The following TRIM24 variants were observed in gnomAD, a reference collection of about 807,000 sequenced individuals.
TRIM24 encodes tripartite motif containing 24, also known as transcription intermediary factor 1-alpha.
A neutral mutation model predicts 123.9 loss-of-function variants in TRIM24; 29 were observed. The observed-to-expected ratio is 0.23, with a 90% CI of 0.17 to 0.32. The LOEUF (loss-of-function observed/expected upper bound fraction) is 0.32. TRIM24 is among the 10% of genes least tolerant of loss of function. The pLI is 1.00. For synonymous variants in TRIM24, 456 were observed against 461.1 expected (o/e 0.99, Z 0.14); for missense variants, 932 against 1,295.3 (o/e 0.72, Z 4.31).
intron 1 of TRIM24, among the ~76,000 whole-genome samples, chr7:138,464,398 T>C (rs1459381461): frequency 4.6e-5 from 7 of 151,968 alleles, no homozygotes; most frequent in Non-Finnish European, 8.8e-5. Flanking sequence ...TCAAGTAATA[T>C]CTATTACACA....
rs1794935485 is a variant in TRIM24 at position 138,460,549 on chromosome 7, A to ATGGAGGTGGCGG, written c.7_18dup (p.Val3_Glu6dup). On this transcript the variant is annotated inframe_insertion, in exon 1 of 19. Transcript: ENST00000343526. ...CCCCGGCGGCGGCAAGGGCAGGACAATGGAGGTGGCGGTGGAGAAGGCGGT... is the reference window on the plus strand; with the variant it reads ...CCCCGGCGGCGGCAAGGGCAGGACAATGGAGGTGGCGGTGGAGGTGGCGGTGGAGAAGGCGGT... 3 of 1,306,590 alleles carry ATGGAGGTGGCGG rather than the reference A, an allele frequency of 2.3e-6. No individual in the cohort carries two copies. The highest frequency in any genetic ancestry group is 1.9e-6 in the Non-Finnish European group (2 of 1,037,812). 80.9% of individuals were successfully genotyped at this position (1,306,590 alleles called of 1,614,324 possible). A position where few individuals can be genotyped will look rare whatever the true frequency, so the allele number is the denominator to read the frequency against.
chr7:138,518,638 TCCTC>T (rs1233053530), intron 3 of TRIM24, among the ~76,000 whole-genome samples: 1 of 152,146 alleles, frequency 6.6e-6, no homozygotes, highest in Non-Finnish European at 1.5e-5. Flanking sequence ...TTTTCTTTCT[TCCTC>T]CCTCTTTTTC....
intron 1 of TRIM24, among the ~76,000 whole-genome samples, chr7:138,461,455 T>C (rs1238212676): frequency 6.6e-6 from 1 of 152,248 alleles, no homozygotes; most frequent in African/African-American, 2.4e-5. Flanking sequence ...TGGGGCTCTT[T>C]ACCTTAATGA....
intron 1 of TRIM24, among the ~76,000 whole-genome samples, chr7:138,468,420 C>T (rs1018334959): frequency 2.0e-5 from 3 of 151,828 alleles, no homozygotes; most frequent in African/African-American, 7.3e-5. Flanking sequence ...TCTTTGCTTC[C>T]TATAATGCTA....
chr7:138,577,414 T>C lies in TRIM24; in HGVS notation c.2088-6T>C. On this transcript the variant is annotated splice_polypyrimidine_tract_variant and splice_region_variant and intron_variant, in intron 13 of 18. Coordinates refer to ENST00000343526, the MANE Select transcript of TRIM24 (RefSeq NM_015905.3). ...GATTGCTTTTTCTTCTCTCTCATAC[T>C]TACAGCTCTGGCTCTTCCAGCAAAC... 6.5e-7 allele frequency: 1 copy of C among 1,549,698 alleles called. No individual in the cohort carries two copies. The highest frequency in any genetic ancestry group is 8.7e-7 in the Non-Finnish European group (1 of 1,152,544).
At chr7:138,547,608 T>C (rs1316759234) in intron 7 of TRIM24, among the ~76,000 whole-genome samples, 1 of 152,244 alleles carries the variant, frequency 6.6e-6, no homozygotes, top group Non-Finnish European at 1.5e-5. Context: ...ATATTTCTTA[T>C]GGTTAGCATG....
intron 1 of TRIM24, among the ~76,000 whole-genome samples, chr7:138,475,363 A>G (rs1795373931): frequency 6.6e-6 from 1 of 152,222 alleles, no homozygotes; most frequent in South Asian, 2.1e-4. Flanking sequence ...GGAAGGGTAC[A>G]GAAAGGAGAG....
chr7:138,579,104 A>G, intron 14 of TRIM24, 100 bp from the exon 15 acceptor site: 1 of 947,074 alleles, frequency 1.1e-6, no homozygotes, highest in Non-Finnish European at 1.6e-6. Flanking sequence ...ATTCCTTTGA[A>G]GCAGCCAGGT....
intron 1 of TRIM24, 85 bp downstream of exon 1, chr7:138,460,997 T>G: frequency 8.1e-7 from 1 of 1,228,734 alleles, no homozygotes; most frequent in South Asian, 1.8e-5. Context: ...CCCGCTGTCA[T>G]GTCGCCGCCG....
chr7:138,581,991 CATCTATTTTACTT>C (rs1475931850), intron 17 of TRIM24, among the ~76,000 whole-genome samples: 1 of 152,064 alleles, frequency 6.6e-6, no homozygotes. Context: ...TTTCTTTTCT[CATCTATTTTACTT>C]ACCACTGGGA....
rs1422176564 is a variant in TRIM24 at position 138,508,692 on chromosome 7, T to TGTGTGCGCGCGC, written c.483+4285_483+4286insTGTGCGCGCGCG. 5.8e-3 allele frequency among the ~76,000 whole-genome samples: 793 copies of TGTGTGCGCGCGC among 137,262 alleles called. 9 individuals are homozygous for TGTGTGCGCGCGC. Among genetic ancestry groups the TGTGTGCGCGCGC allele is most frequent in the Non-Finnish European group, 9.1e-3 (585 of 64,120 alleles). 90.0% of individuals were successfully genotyped at this position (137,262 alleles called of 152,430 possible). ...GTGTGTGTGTGTGTGTGTGTGTGTGTGCGCGCGCGTGTGTGCGTGTGTGTG... is the reference window on the plus strand; with the variant it reads ...GTGTGTGTGTGTGTGTGTGTGTGTGTGTGTGCGCGCGCGCGCGCGCGTGTGTGCGTGTGTGTG... On this transcript the variant is annotated intron_variant, in intron 2 of 18. Transcript: ENST00000343526.
intron 10 of TRIM24, among the ~76,000 whole-genome samples, chr7:138,570,433 G>T (rs750872917): frequency 6.6e-6 from 1 of 152,154 alleles, no homozygotes; most frequent in Non-Finnish European, 1.5e-5. Flanking sequence ...AATCCTGAAA[G>T]TACCAGTCTG....
intron 6 of TRIM24, among the ~76,000 whole-genome samples, chr7:138,536,820 C>T (rs1796886750): frequency 6.6e-6 from 1 of 152,226 alleles, no homozygotes; most frequent in African/African-American, 2.4e-5. Context: ...GAGGTGGCGT[C>T]TGCAGAGGCA....
intron 1 of TRIM24, among the ~76,000 whole-genome samples, chr7:138,493,902 C>A (rs1388664505): frequency 2.6e-5 from 4 of 152,128 alleles, no homozygotes; most frequent in African/African-American, 9.7e-5. Context: ...TAGTCTAATA[C>A]AAGTCCATCT....
chr7:138,574,003 C>T (rs945601223), intron 12 of TRIM24, among the ~76,000 whole-genome samples: 1 of 152,158 alleles, frequency 6.6e-6, no homozygotes, highest in African/African-American at 2.4e-5. Flanking sequence ...AACTTCTGGC[C>T]TTAAGCAATC....
intron 3 of TRIM24, among the ~76,000 whole-genome samples, chr7:138,517,362 G>T (rs1026013733): frequency 2.0e-5 from 3 of 151,608 alleles, no homozygotes; most frequent in African/African-American, 7.3e-5. Flanking sequence ...GTGTGTGTGT[G>T]TTTTGTTTTG....
intron 1 of TRIM24, among the ~76,000 whole-genome samples, chr7:138,498,557 C>A (rs111957318): frequency 5.5e-4 from 84 of 152,202 alleles, no homozygotes; most frequent in Middle Eastern, 3.4e-3. Context: ...TTTATTTACA[C>A]GTTTTATTTT....
intron 7 of TRIM24, among the ~76,000 whole-genome samples, chr7:138,546,553 T>C (rs1797106038): frequency 1.3e-5 from 2 of 152,148 alleles, no homozygotes; most frequent in Non-Finnish European, 2.9e-5. Context: ...CTGCAGTATT[T>C]AGGGAAGACA....
Position 138,491,157 on chromosome 7 carries a change from C to A in TRIM24, c.365-13133C>A. 1.0e-5 allele frequency: 3 copies of A among 293,208 alleles called. No homozygotes were observed. The South Asian group carries it at 1.2e-4, about 11-fold the overall frequency. 18.2% of individuals were successfully genotyped at this position (293,208 alleles called of 1,614,324 possible). ...AATGCAACTTCATCATTCTGCAAGTCAACAAAGACTCACTGCAAACACATA... is the reference window on the plus strand; with the variant it reads ...AATGCAACTTCATCATTCTGCAAGTAAACAAAGACTCACTGCAAACACATA... On this transcript the variant is annotated intron_variant, in intron 1 of 18. Transcript: ENST00000343526.
Sources: gnomAD v4.1 joint callset for allele counts (sites outside exome capture counted in the v4.1 genomes callset) on GRCh38, gnomAD v4.1.1 for gene constraint, MANE v1.5 for transcripts, NCBI Gene and HGNC (gene_info 2026-07-23, HGNC 2026-07-21) for gene names.